Variants in PVT1 observed in about 807,000 individuals in gnomAD.
PVT1 encodes the protein Pvt1 oncogene, also known as CXCR4/PVT1 fusion.
intron 4 of PVT1, chr8:127,998,993 G>C (rs1282253769): frequency 1.3e-5 from 2 of 152,132 alleles, no homozygotes; most frequent in African/African-American, 4.8e-5. Context: ...CATTTTACTG[G>C]AGAAAGGACT....
chr8:127,853,828 T>G (rs1815131449), intron 2 of PVT1, among the ~76,000 whole-genome samples: 2 of 150,946 alleles, frequency 1.3e-5, no homozygotes, highest in African/African-American at 4.9e-5. Flanking sequence ...AAAAAGTGAA[T>G]AAAGAGAGAA....
intron 4 of PVT1, among the ~76,000 whole-genome samples, chr8:128,021,927 CT>C (rs1817443558): frequency 6.6e-6 from 1 of 152,092 alleles, no homozygotes; most frequent in African/African-American, 2.4e-5. Flanking sequence ...CATTACATGC[CT>C]GTAATCCCAG....
chr8:128,063,585 A>C (rs1252711416), intron 4 of PVT1, among the ~76,000 whole-genome samples: 2 of 152,134 alleles, frequency 1.3e-5, no homozygotes, highest in Non-Finnish European at 2.9e-5. Context: ...TACACAAGCA[A>C]TTTTTGTGTG....
At chr8:127,831,622 T>C (rs934728320) in intron 2 of PVT1, among the ~76,000 whole-genome samples, 1 of 151,788 alleles carries the variant, frequency 6.6e-6, no homozygotes, top group Non-Finnish European at 1.5e-5. Flanking sequence ...GGGGTAGAAG[T>C]TGGGGAGCTG....
At chr8:127,906,643 C>A (rs1466875104) in intron 3 of PVT1, among the ~76,000 whole-genome samples, 2 of 152,070 alleles carry the variant, frequency 1.3e-5, no homozygotes, top group African/African-American at 4.8e-5. Flanking sequence ...TCCGGAGAAT[C>A]CATTGCCTTC....
At chr8:127,928,830 G>T (rs946503553) in intron 3 of PVT1, among the ~76,000 whole-genome samples, 2 of 152,196 alleles carry the variant, frequency 1.3e-5, no homozygotes, top group Non-Finnish European at 2.9e-5. Context: ...CAGCAGGGCT[G>T]GGTTGACCTT....
intron 4 of PVT1, chr8:128,048,341 G>A (rs922867539): frequency 2.0e-5 from 3 of 152,238 alleles, no homozygotes; most frequent in African/African-American, 7.2e-5. Flanking sequence ...TATGAGGCTG[G>A]AATCTAAGCC....
rs181478679 is a variant in PVT1 at position 127,838,871 on chromosome 8, G to A, written n.372+42800G>A. On this transcript the variant is annotated intron_variant and non_coding_transcript_variant, in intron 2 of 10. Coordinates refer to ENST00000651587, the Ensembl canonical transcript of PVT1. The stretch of plus-strand genomic sequence containing the variant: ...ATGATGTGTGGATCAGCAATGGACC[G>A]TATATACAACGGTGGCCCTATGAGA... Among the ~76,000 whole-genome samples, 5 of 152,148 alleles carry A rather than the reference G, an allele frequency of 3.3e-5. No individual in the cohort carries two copies. The East Asian group carries it at 7.7e-4, about 24-fold the overall frequency.
intron 3 of PVT1, among the ~76,000 whole-genome samples, chr8:127,966,282 G>A (rs1039559579): frequency 6.6e-6 from 1 of 152,216 alleles, no homozygotes; most frequent in Non-Finnish European, 1.5e-5. Flanking sequence ...GAGTCAGGGA[G>A]AGTATTTTTG....
At chr8:127,910,274 T>C (rs1815878676) in intron 3 of PVT1, among the ~76,000 whole-genome samples, 1 of 152,002 alleles carries the variant, frequency 6.6e-6, no homozygotes, top group South Asian at 2.1e-4. Flanking sequence ...AGGTACAGGG[T>C]CGTGGAAACA....
intron 3 of PVT1, among the ~76,000 whole-genome samples, chr8:127,893,636 C>A (rs563784216): frequency 2.6e-5 from 4 of 152,352 alleles, no homozygotes; most frequent in Admixed American, 2.6e-4. Flanking sequence ...CTGTCTGACT[C>A]CAAAGCCACT....
chr8:128,058,139 C>G (rs186230631), intron 4 of PVT1, among the ~76,000 whole-genome samples: 10 of 152,314 alleles, frequency 6.6e-5, no homozygotes, highest in African/African-American at 2.4e-4. Context: ...TCTGTCTCAT[C>G]TCTCTCGATT....
At chr8:127,871,347 C>T (rs1377063081) in intron 2 of PVT1, among the ~76,000 whole-genome samples, 1 of 152,222 alleles carries the variant, frequency 6.6e-6, no homozygotes, top group African/African-American at 2.4e-5. Flanking sequence ...GTGTTTTTTA[C>T]TCATGGAATG....
intron 3 of PVT1, among the ~76,000 whole-genome samples, chr8:127,914,423 G>A (rs1815954643): frequency 6.6e-6 from 1 of 151,938 alleles, no homozygotes; most frequent in African/African-American, 2.4e-5. Flanking sequence ...AAAAAGTCAA[G>A]TATAGAATTA....
intron 5 of PVT1, among the ~76,000 whole-genome samples, chr8:128,073,679 CCCCTCCCTAG>C (rs1383697572): frequency 3.3e-5 from 5 of 152,036 alleles, no homozygotes; most frequent in Non-Finnish European, 7.4e-5. Flanking sequence ...AGGGTCTGGT[CCCCTCCCTAG>C]CCCTCCTCAC....
intron 3 of PVT1, among the ~76,000 whole-genome samples, chr8:127,946,285 G>T (rs968731818): frequency 6.6e-6 from 1 of 152,248 alleles, no homozygotes; most frequent in African/African-American, 2.4e-5. Flanking sequence ...AGGGATGTAA[G>T]AGCAAGCAAA....
chr8:128,073,604 G>C (rs1814027444), intron 5 of PVT1, among the ~76,000 whole-genome samples: 1 of 152,092 alleles, frequency 6.6e-6, no homozygotes, highest in South Asian at 2.1e-4. Flanking sequence ...ACTTCAACTT[G>C]TGAGGAATGG....
chr8:128,003,209 GCCTCCCTCCCTC>G (rs1293320836), intron 4 of PVT1, among the ~76,000 whole-genome samples: 2 of 122,268 alleles, frequency 1.6e-5, no homozygotes, highest in East Asian at 4.9e-4. Flanking sequence ...AGACAATCCT[GCCTCCCTCCCTC>G]CCTCCCTTTC....
intron 2 of PVT1, among the ~76,000 whole-genome samples, chr8:127,882,487 CTTT>C (rs535638165): frequency 6.9e-6 from 1 of 145,242 alleles, no homozygotes. Context: ...TTGAAGAAAT[CTTT>C]TTTTTTTTTT....
Sources: gnomAD v4.1 joint callset for allele counts (sites outside exome capture counted in the v4.1 genomes callset) on GRCh38, gnomAD v4.1.1 for gene constraint, MANE v1.5 for transcripts, NCBI Gene and HGNC (gene_info 2026-07-23, HGNC 2026-07-21) for gene names.